Variants in DHX8 observed in about 807,000 individuals in gnomAD.
The protein encoded by DHX8 is ATP-dependent RNA helicase DHX8.
In DHX8, 67 loss-of-function variants were observed where a neutral mutation model predicts 140.7. The observed-to-expected ratio is 0.48, with a 90% CI of 0.39 to 0.58. The LOEUF (loss-of-function observed/expected upper bound fraction) is 0.58. Ranked by LOEUF, DHX8 falls within the 20% of genes least tolerant of loss-of-function variation. The probability of loss-of-function intolerance (pLI) is 0.00; values close to 1 mark genes in which losing one functional copy is unlikely to be tolerated. For synonymous variants in DHX8, 533 were observed against 553.2 expected, an observed-to-expected ratio of 0.96 and a Z score of 0.51; for missense variants, 887 against 1,550.7, an observed-to-expected ratio of 0.57 and a Z score of 7.19.
chr17:43,518,307 A>G (rs1254311672), intron 18 of DHX8: 3 of 152,182 alleles, frequency 2.0e-5, no homozygotes, highest in African/African-American at 7.2e-5. Context: ...ACCACATCAC[A>G]CTTTATATAC....
At chr17:43,492,121 G>C in intron 4 of DHX8, 62 bp from the exon 5 acceptor site, 2 of 1,080,104 alleles carry the variant, frequency 1.9e-6, no homozygotes, top group Non-Finnish European at 2.9e-6. Flanking sequence ...AGATGTACCT[G>C]AGGTACATAC....
chr17:43,544,688 G>A (rs2154587322), downstream of DHX8: 1 of 310,452 alleles, frequency 3.2e-6, no homozygotes, highest in Non-Finnish European at 6.0e-6. Context: ...TGGGCCTGGG[G>A]CCAAGTTCCA....
intron 10 of DHX8, among the ~76,000 whole-genome samples, chr17:43,499,312 A>ACCCCC (rs1358032484): frequency 2.0e-5 from 3 of 152,202 alleles, no homozygotes; most frequent in African/African-American, 7.2e-5. Flanking sequence ...CCACCATAGA[A>ACCCCC]AGCTGTAGCA....
chr17:43,497,853 T>A (rs988051158), intron 9 of DHX8, among the ~76,000 whole-genome samples: 2 of 152,244 alleles, frequency 1.3e-5, no homozygotes, highest in Non-Finnish European at 2.9e-5. Flanking sequence ...TTTATACTTC[T>A]GCCATAAGTG....
chr17:43,507,391 C>T (rs1425857973), intron 13 of DHX8, 112 bp from the exon 14 acceptor site: 16 of 1,166,026 alleles, frequency 1.4e-5, no homozygotes, highest in Non-Finnish European at 1.9e-5. Context: ...TACTGTACAT[C>T]TTGATCAGAT....
At chr17:43,529,657 C>T (rs779091620), downstream of DHX8, 29 of 1,612,778 alleles carry the variant, frequency 1.8e-5, no homozygotes, top group Non-Finnish European at 2.2e-5. Flanking sequence ...ATGCACCGAC[C>T]CCTTCCTGCT....
intron 11 of DHX8, 122 bp downstream of exon 11, chr17:43,500,225 C>T: frequency 8.9e-7 from 1 of 1,125,370 alleles, no homozygotes; most frequent in Non-Finnish European, 1.2e-6. Flanking sequence ...TGGCTCATGC[C>T]TGTAATCCCA....
chr17:43,526,176 GCT>G, downstream of DHX8: 1 of 985,282 alleles, frequency 1.0e-6, no homozygotes. Context: ...CTTGCCTGCT[GCT>G]CTCACACAAT....
downstream of DHX8, chr17:43,530,545 A>C: frequency 1.3e-6 from 1 of 743,620 alleles, no homozygotes. Flanking sequence ...CACGCCTAAG[A>C]CTCCCTCAGA....
chr17:43,533,846 G>T, intron 2 of DHX8: 1 of 1,607,420 alleles, frequency 6.2e-7, no homozygotes, highest in South Asian at 1.1e-5. Flanking sequence ...ACCAGGTCCA[G>T]GCTGGGGCTC....
intron 1 of DHX8, 94 bp from the exon 2 acceptor site, chr17:43,489,355 T>C: frequency 1.2e-6 from 1 of 845,746 alleles, no homozygotes; most frequent in Non-Finnish European, 1.9e-6. Context: ...TTTTTATTAC[T>C]GTTGGATAAC....
At chr17:43,506,013 G>GTGTA (rs1969475982) in intron 12 of DHX8, among the ~76,000 whole-genome samples, 1 of 151,740 alleles carries the variant, frequency 6.6e-6, no homozygotes, top group Admixed American at 6.6e-5. Flanking sequence ...GTGTGTGTGT[G>GTGTA]TGTATGTGTG....
chr17:43,506,949 A>C (rs1969529374), intron 12 of DHX8, 54 bp from the exon 13 acceptor site: 1 of 1,358,842 alleles, frequency 7.4e-7, no homozygotes, highest in Admixed American at 2.4e-5. Context: ...TTTAATGACC[A>C]TATTTATATT....
chr17:43,491,249 G>A lies in DHX8; in HGVS notation c.392G>A (p.Arg131Gln), dbSNP rs1053845583. The A allele has an allele frequency of 1.1e-5, 16 of 1,507,228 alleles. No individual in the cohort carries two copies. The highest frequency in any genetic ancestry group is 4.1e-5 in the South Asian group (3 of 73,818). 93.4% of individuals were successfully genotyped at this position (1,507,228 alleles called of 1,614,324 possible). Reference protein sequence around the residue: ...VLCQPDNPSVRTMLDEDDVKV... With the variant: ...VLCQPDNPSVQTMLDEDDVKV... ...TGCCAACCGGACAACCCTTCTGTTC[G>A]GGTACTGATACCATTTTAAGAGTGT... The change falls in exon 4 of 23, where the codon CGG (arginine) becomes CAG (glutamine). Residue 131 changes from arginine (R) to glutamine (Q), a missense_variant and splice_region_variant. By Grantham distance (43) the Arg-to-Gln change is conservative (BLOSUM62 1). Around this residue, in one of 9 missense-constraint regions of DHX8, gnomAD observed 304 missense variants for 306.9 expected, o/e 0.99. Transcript: ENST00000262415.
At chr17:43,485,858 T>C (rs959645170) in intron 1 of DHX8, among the ~76,000 whole-genome samples, 3 of 152,246 alleles carry the variant, frequency 2.0e-5, no homozygotes, top group Non-Finnish European at 2.9e-5. Context: ...CCCACAAATA[T>C]GCTTTTTCTG....
chr17:43,507,618 C>A lies in DHX8; in HGVS notation c.2039C>A (p.Ala680Glu), dbSNP rs768408928. 1.2e-6 allele frequency: 2 copies of A among 1,614,122 alleles called. No homozygotes were observed. The highest frequency in any genetic ancestry group is 2.2e-5 in the South Asian group (2 of 91,070). Residue 680 changes from alanine to glutamate, a missense_variant, in exon 14 of 23, where the codon GCG (alanine) becomes GAG (glutamate). Transcript: ENST00000262415. ...CLIDPDLTQYAIIMLDEAHER... is the reference protein window; with the variant it reads ...CLIDPDLTQYEIIMLDEAHER... The stretch of plus-strand genomic sequence containing the variant: ...ATTGACCCTGACCTCACTCAGTACG[C>A]GATCATCATGTTGGACGAGGCACAT...
intron 2 of DHX8, chr17:43,532,772 C>T: frequency 6.2e-7 from 1 of 1,614,026 alleles, no homozygotes; most frequent in Non-Finnish European, 8.5e-7. Flanking sequence ...GGCTGGCTGG[C>T]CCGCCTGTTC....
At chr17:43,486,699 T>A (rs1468784991) in intron 1 of DHX8, among the ~76,000 whole-genome samples, 1 of 151,786 alleles carries the variant, frequency 6.6e-6, no homozygotes, top group Non-Finnish European at 1.5e-5. Flanking sequence ...ACCAACATGG[T>A]GAAACCCTGT....
chr17:43,490,504 G>A lies in DHX8; in HGVS notation c.307+41G>A, dbSNP rs538057391. 8 of 1,522,702 alleles carry A rather than the reference G, an allele frequency of 5.3e-6. No individual in the cohort carries two copies. The African/African-American group carries it at 9.7e-5, about 18-fold the overall frequency. 94.3% of individuals were successfully genotyped at this position (1,522,702 alleles called of 1,614,324 possible). ...AGCTGAGCTTAGCTTCTAGAATGGT[G>A]TAGGTTTTGAACATCCTGTAAATTG... On this transcript the variant is annotated intron_variant, in intron 3 of 22. Coordinates refer to ENST00000262415, the MANE Select transcript of DHX8 (RefSeq NM_004941.3).
Sources: allele counts gnomAD v4.1 joint callset (sites outside exome capture counted in the v4.1 genomes callset), GRCh38; gene constraint gnomAD v4.1.1; regional missense constraint gnomAD v4.1.1; transcripts MANE v1.5; gene names NCBI Gene and HGNC (gene_info 2026-07-23, HGNC 2026-07-21).